SHROOM4: variants seen among roughly 807,000 people sequenced by gnomAD.
SHROOM4 encodes the protein shroom family member 4.
SHROOM4 carries 17 observed loss-of-function variants against 80.3 expected under a neutral mutation model. The observed-to-expected ratio is 0.21, with a 90% CI of 0.14 to 0.32. The LOEUF is 0.32. SHROOM4 is among the 10% of genes least tolerant of loss of function. The pLI is 1.00. For missense variants in SHROOM4, 993 were observed against 1,140.3 expected, an observed-to-expected ratio of 0.87 and a Z score of 1.86; for synonymous variants, 400 against 437.5, an observed-to-expected ratio of 0.91 and a Z score of 1.07.
rs1351592167 is a variant in SHROOM4, at chrX:50,592,578, T to C, written c.*4117A>G. 1 of 131,338 alleles carries C rather than the reference T, an allele frequency of 7.6e-6. No homozygotes were observed. The highest frequency in any genetic ancestry group is 3.2e-5 in the African/African-American group (1 of 31,009). The allele number at this position is 131,338 out of a possible 1,213,427, so 10.8% of individuals were successfully genotyped here. On this transcript the variant is annotated 3_prime_UTR_variant, in exon 9 of 9. Coordinates refer to ENST00000376020, the MANE Select transcript of SHROOM4 (RefSeq NM_020717.5). The stretch of plus-strand genomic sequence containing the variant: ...GGATAGTTGGAATGTGAACAGAATA[T>C]GGATCACGAAAAAAGAAAGCTTTTC...
At chrX:50,677,790 A>C (rs1420501519) in intron 2 of SHROOM4, among the ~76,000 whole-genome samples, 2 of 111,492 alleles carry the variant, frequency 1.8e-5, no homozygotes, top group Non-Finnish European at 3.8e-5. Flanking sequence ...ATGGTGAAAA[A>C]CACAAGGCCT....
intron 1 of SHROOM4, among the ~76,000 whole-genome samples, chrX:50,724,724 G>A (rs1293102896): frequency 1.8e-5 from 2 of 112,086 alleles, no homozygotes; most frequent in African/African-American, 3.2e-5. Flanking sequence ...CAGGTGATCC[G>A]CCTGCCTCAG....
intron 6 of SHROOM4, among the ~76,000 whole-genome samples, chrX:50,604,137 C>T (rs1470334248): frequency 2.7e-5 from 3 of 111,785 alleles, no homozygotes; most frequent in Non-Finnish European, 5.6e-5. Context: ...AAGTTGGGCC[C>T]GCCAATATTT....
intron 2 of SHROOM4, among the ~76,000 whole-genome samples, chrX:50,651,751 T>G (rs782081969): frequency 6.0e-4 from 60 of 99,644 alleles, no homozygotes; most frequent in East Asian, 1.8e-3. Context: ...ACCCCCGACA[T>G]GCCCCAGTGT....
intron 8 of SHROOM4, among the ~76,000 whole-genome samples, chrX:50,598,031 G>T (rs1929200825): frequency 9.0e-6 from 1 of 110,704 alleles, no homozygotes; most frequent in Non-Finnish European, 1.9e-5. Context: ...TAGAGATGGG[G>T]ATTCACTAAG....
At chrX:50,767,772 T>TAGTCC (rs201924961) in intron 1 of SHROOM4, among the ~76,000 whole-genome samples, 2,333 of 111,895 alleles carry the variant, frequency 0.021, 77 homozygotes, top group African/African-American at 0.073. Flanking sequence ...AAAACTCCTC[T>TAGTCC]AGTCCATAAT....
intron 1 of SHROOM4, among the ~76,000 whole-genome samples, chrX:50,756,246 C>A (rs1041511515): frequency 8.9e-6 from 1 of 112,236 alleles, no homozygotes; most frequent in Non-Finnish European, 1.9e-5. Flanking sequence ...TGGAATCATA[C>A]AATATGTGGC....
At chrX:50,784,213 C>T (rs1602511294) in intron 1 of SHROOM4, among the ~76,000 whole-genome samples, 1 of 112,430 alleles carries the variant, frequency 8.9e-6, no homozygotes, top group African/African-American at 3.2e-5. Context: ...TAGCTCACTG[C>T]AGCCTTAAAG....
intron 2 of SHROOM4, among the ~76,000 whole-genome samples, chrX:50,693,288 C>T (rs1312693163): frequency 2.7e-5 from 3 of 110,821 alleles, no homozygotes; most frequent in Non-Finnish European, 5.7e-5. Context: ...GAGGTTTGGC[C>T]GGGCGCAGTG....
intron 1 of SHROOM4, among the ~76,000 whole-genome samples, chrX:50,730,896 A>G (rs190991255): frequency 1.2e-4 from 13 of 111,788 alleles, no homozygotes; most frequent in Admixed American, 2.9e-4. Flanking sequence ...ATGAAGCTGT[A>G]TTGGAGTAAG....
intron 1 of SHROOM4, among the ~76,000 whole-genome samples, chrX:50,699,210 T>G (rs1933454519): frequency 8.9e-6 from 1 of 112,387 alleles, no homozygotes; most frequent in Non-Finnish European, 1.9e-5. Context: ...ATTGCTGGGC[T>G]AGCAGTGAGT....
At chrX:50,648,514 G>C (rs1557258235) in intron 2 of SHROOM4, among the ~76,000 whole-genome samples, 2 of 112,115 alleles carry the variant, frequency 1.8e-5, no homozygotes, top group African/African-American at 6.5e-5. Context: ...TGTGGTAGAG[G>C]GTGGATGAAA....
chrX:50,772,791 T>C (rs782477288), intron 1 of SHROOM4, among the ~76,000 whole-genome samples: 2 of 111,875 alleles, frequency 1.8e-5, no homozygotes, highest in African/African-American at 3.2e-5. Context: ...CATCCATCCA[T>C]TCCTTCATTG....
chrX:50,682,374 T>C (rs1932960056), intron 2 of SHROOM4, among the ~76,000 whole-genome samples: 1 of 111,841 alleles, frequency 8.9e-6, no homozygotes, highest in Non-Finnish European at 1.9e-5. Context: ...TAATCCTCAC[T>C]GCAATAACCC....
the SHROOM4 span, among the ~76,000 whole-genome samples, chrX:50,577,000 A>G: frequency 8.9e-6 from 1 of 112,192 alleles, no homozygotes; most frequent in African/African-American, 3.2e-5. Context: ...AGTCTATTGC[A>G]TTTACCCATA....
At chrX:50,626,399 A>G (rs1557253067) in intron 5 of SHROOM4, among the ~76,000 whole-genome samples, 1 of 111,851 alleles carries the variant, frequency 8.9e-6, no homozygotes, top group Non-Finnish European at 1.9e-5. Context: ...TTGTGTGAGA[A>G]AGTAAAAGCT....
chrX:50,690,465 ATATT>A (rs1271019543), intron 2 of SHROOM4, among the ~76,000 whole-genome samples: 1 of 111,921 alleles, frequency 8.9e-6, no homozygotes, highest in African/African-American at 3.2e-5. Context: ...TAATAATAAA[ATATT>A]TAAGGTTATG....
intron 1 of SHROOM4, among the ~76,000 whole-genome samples, chrX:50,784,160 G>A (rs1935689160): frequency 9.0e-6 from 1 of 111,505 alleles, no homozygotes; most frequent in Non-Finnish European, 1.9e-5. Context: ...TTAGAGATGG[G>A]GTCTCTCTCT....
chrX:50,783,376 A>G (rs1935669142), intron 1 of SHROOM4, among the ~76,000 whole-genome samples: 1 of 112,045 alleles, frequency 8.9e-6, no homozygotes, highest in Admixed American at 9.5e-5. Flanking sequence ...AAAGATGTAC[A>G]TGACCTAGAG....
Sources: gnomAD v4.1 joint callset for allele counts (sites outside exome capture counted in the v4.1 genomes callset) on GRCh38, gnomAD v4.1.1 for gene constraint, MANE v1.5 for transcripts, NCBI Gene and HGNC (gene_info 2026-07-23, HGNC 2026-07-21) for gene names.